Variants in CEP162 observed in about 807,000 individuals in gnomAD.
CEP162 encodes centrosomal protein 162, also known as centrosomal protein of 162 kDa.
A neutral mutation model predicts 169.2 loss-of-function variants in CEP162; 141 were observed. The ratio of observed to expected loss-of-function variants is 0.83; its 90% CI spans 0.73 to 0.96. CEP162 has a LOEUF of 0.96. CEP162 is among the 40% of genes least tolerant of loss of function. The pLI is 0.00. For missense variants in CEP162, 1,600 were observed against 1,587.2 expected, an observed-to-expected ratio of 1.01 and a Z score of -0.14; for synonymous variants, 540 against 526.4, an observed-to-expected ratio of 1.03 and a Z score of -0.35.
At chr6:84,184,004 G>A (rs552624195) in intron 13 of CEP162, among the ~76,000 whole-genome samples, 66 of 152,038 alleles carry the variant, frequency 4.3e-4, no homozygotes, top group Admixed American at 3.9e-4. Flanking sequence ...ATCACAAAAA[G>A]CATTCTCTCC....
At chr6:84,140,456 A>C (rs2099516106) in intron 25 of CEP162, among the ~76,000 whole-genome samples, 3 of 151,828 alleles carry the variant, frequency 2.0e-5, no homozygotes, top group African/African-American at 7.3e-5. Flanking sequence ...ATCGAGGGAG[A>C]TTTGATCTTT....
At chr6:84,227,021 TAA>T (rs2099556001) in intron 1 of CEP162, among the ~76,000 whole-genome samples, 1 of 152,172 alleles carries the variant, frequency 6.6e-6, no homozygotes, top group Non-Finnish European at 1.5e-5. Flanking sequence ...AAAGAATACT[TAA>T]AGTTAATGGA....
chr6:84,176,888 A>G (rs543095256), intron 13 of CEP162, among the ~76,000 whole-genome samples: 1 of 151,108 alleles, frequency 6.6e-6, no homozygotes, highest in Non-Finnish European at 1.5e-5. Context: ...AATTATATTT[A>G]TTTTAATTTT....
At chr6:84,203,935 G>C in intron 7 of CEP162, 46 bp downstream of exon 7, 1 of 1,171,732 alleles carries the variant, frequency 8.5e-7, no homozygotes, top group South Asian at 1.4e-5. Context: ...CAGCCAGGTT[G>C]AGAAAAAAGT....
At chr6:84,139,600 A>C (rs2099515663) in intron 25 of CEP162, among the ~76,000 whole-genome samples, 2 of 152,180 alleles carry the variant, frequency 1.3e-5, no homozygotes, top group South Asian at 4.1e-4. Flanking sequence ...AATCCTAGCA[A>C]AACTGGCAGA....
chr6:84,223,683 G>T (rs1290680923), intron 2 of CEP162, among the ~76,000 whole-genome samples: 1 of 151,796 alleles, frequency 6.6e-6, no homozygotes, highest in Admixed American at 6.6e-5. Context: ...GAGGCAGGCG[G>T]ATCACTTGAG....
At chr6:84,174,026 A>G (rs1444578213) in intron 16 of CEP162, 22 bp downstream of exon 16, 5 of 1,598,704 alleles carry the variant, frequency 3.1e-6, no homozygotes, top group East Asian at 2.2e-5. Flanking sequence ...TAAATTTGCC[A>G]TATGTTGAAG....
chr6:84,148,578 A>G (rs2099519952), intron 24 of CEP162, among the ~76,000 whole-genome samples: 1 of 152,184 alleles, frequency 6.6e-6, no homozygotes, highest in African/African-American at 2.4e-5. Context: ...TCACAAAACC[A>G]TAACATTTTA....
At chr6:84,212,568 A>G (rs1390544551) in intron 6 of CEP162, among the ~76,000 whole-genome samples, 2 of 151,794 alleles carry the variant, frequency 1.3e-5, no homozygotes, top group Non-Finnish European at 2.9e-5. Flanking sequence ...AATAAGAATA[A>G]AATGGAATAC....
chr6:84,212,883 TTTC>T (rs1465444796), intron 6 of CEP162, 71 bp downstream of exon 6: 2 of 936,204 alleles, frequency 2.1e-6, no homozygotes, highest in Non-Finnish European at 3.3e-6. Flanking sequence ...TTTAATTATT[TTTC>T]TTATTAATGT....
chr6:84,184,906 CTCAG>C lies in CEP162; in HGVS notation c.1663+277_1663+280del, dbSNP rs111677214. 6.6e-3 allele frequency among the ~76,000 whole-genome samples: 996 copies of C among 152,024 alleles called. 6 individuals carry two copies. The highest frequency in any genetic ancestry group is 0.023 in the African/African-American group (948 of 41,476). On this transcript the variant is annotated intron_variant, in intron 13 of 26. Transcript: ENST00000403245. ...AGTTTTCCCCCAACTGTCAAATCTA[CTCAG>C]TCATAGCTTTCCCCATTCCAGCTGA...
At chr6:84,202,142 C>T (rs949464809) in intron 7 of CEP162, among the ~76,000 whole-genome samples, 3 of 152,164 alleles carry the variant, frequency 2.0e-5, no homozygotes, top group Non-Finnish European at 4.4e-5. Context: ...ATAGCATTAC[C>T]AGTCTATTTT....
chr6:84,207,652 C>T (rs1293452627), intron 6 of CEP162, among the ~76,000 whole-genome samples: 1 of 151,790 alleles, frequency 6.6e-6, no homozygotes, highest in Non-Finnish European at 1.5e-5. Flanking sequence ...ACCAACATGG[C>T]ACATGTATAC....
intron 25 of CEP162, among the ~76,000 whole-genome samples, chr6:84,145,595 T>G (rs1241999003): frequency 6.6e-6 from 1 of 152,120 alleles, no homozygotes; most frequent in Non-Finnish European, 1.5e-5. Context: ...GTTATTTACA[T>G]GTAATCTGGT....
In CEP162 at chr6:84,125,066, T is replaced by C. The variant is rs1252993446; in HGVS notation, c.*4A>G. ...ATAAGGTCATTATGAAATCTGAATT[T>C]CTATTAATACTCTGGTGCATTCATT... On this transcript the variant is annotated 3_prime_UTR_variant, in exon 27 of 27. Transcript: ENST00000403245. 1.5e-5 allele frequency: 24 copies of C among 1,607,150 alleles called. No homozygotes were observed. Among genetic ancestry groups the C allele is most frequent in the Non-Finnish European group, 1.8e-5 (21 of 1,174,922 alleles).
chr6:84,216,091 TA>T, intron 3 of CEP162, 169 bp from the exon 4 acceptor site: 1 of 824,140 alleles, frequency 1.2e-6, no homozygotes, highest in Non-Finnish European at 1.7e-6. Flanking sequence ...AGAAAGATTA[TA>T]ATTCTATTTG....
chr6:84,161,505 G>A (rs1327382102), intron 20 of CEP162, among the ~76,000 whole-genome samples: 1 of 152,182 alleles, frequency 6.6e-6, no homozygotes, highest in African/African-American at 2.4e-5. Context: ...GGTACCTGAT[G>A]ACACTGAAGA....
chr6:84,174,297 T>C (rs2099531414), intron 15 of CEP162, 109 bp from the exon 16 acceptor site: 1 of 874,692 alleles, frequency 1.1e-6, no homozygotes, highest in South Asian at 1.8e-5. Context: ...TCTTATAATA[T>C]TGAACATATT....
intron 23 of CEP162, among the ~76,000 whole-genome samples, chr6:84,151,815 G>A (rs1396699307): frequency 6.6e-6 from 1 of 152,032 alleles, no homozygotes; most frequent in African/African-American, 2.4e-5. Context: ...CATTGTTGAA[G>A]AAAATGAGGA....
Sources: allele counts gnomAD v4.1 joint callset (sites outside exome capture counted in the v4.1 genomes callset), GRCh38; gene constraint gnomAD v4.1.1; transcripts MANE v1.5; gene names NCBI Gene and HGNC (gene_info 2026-07-23, HGNC 2026-07-21).